The following LRP1 variants were observed in gnomAD, a reference collection of about 807,000 sequenced individuals.
LRP1 encodes the protein prolow-density lipoprotein receptor-related protein 1.
LRP1 carries 51 observed loss-of-function variants against 541.5 expected under a neutral mutation model. The ratio of observed to expected loss-of-function variants is 0.09; its 90% confidence interval spans 0.08 to 0.12. LRP1 has a LOEUF of 0.12. Ranked by LOEUF, LRP1 falls within the 10% of genes least tolerant of loss-of-function variation. The pLI, the probability that LRP1 is intolerant of heterozygous loss-of-function variation, is 1.00. For synonymous variants in LRP1, 2,219 were observed against 2,470.8 expected, an observed-to-expected ratio of 0.90 and a Z score of 3.02; for missense variants, 3,878 against 6,376.2, an observed-to-expected ratio of 0.61 and a Z score of 13.34.
intron 34 of LRP1, among the ~76,000 whole-genome samples, chr12:57,182,892 G>A (rs561756151): frequency 3.3e-5 from 5 of 152,312 alleles, no homozygotes; most frequent in East Asian, 1.9e-4. Context: ...GACTGGCTTC[G>A]GAGTGACCTT....
chr12:57,149,890 G>A (rs2035493608), intron 6 of LRP1: 1 of 638,770 alleles, frequency 1.6e-6, no homozygotes, highest in East Asian at 2.7e-5. Flanking sequence ...CCCAGGCCCA[G>A]GCGAGATCCC....
chr12:57,128,580 G>C lies in LRP1; in HGVS notation c.-385G>C. ...AGAGCTCCATCAAGCCCCCTCCAAA[G>C]GCTCCCCTACCCGGTCCACGCCCCC... On this transcript the variant is annotated 5_prime_UTR_variant, in exon 1 of 89. Coordinates refer to ENST00000243077, the MANE Select transcript of LRP1 (RefSeq NM_002332.3). The C allele has an allele frequency of 2.5e-6, 1 of 405,930 alleles. No homozygotes were observed. The highest frequency in any genetic ancestry group is 4.4e-6 in the Non-Finnish European group (1 of 229,500). The allele number at this position is 405,930 out of a possible 1,614,324, so 25.1% of individuals were successfully genotyped here.
intron 45 of LRP1, 55 bp downstream of exon 45, chr12:57,193,025 G>A: frequency 6.3e-7 from 1 of 1,598,436 alleles, no homozygotes; most frequent in Non-Finnish European, 8.5e-7. Flanking sequence ...CACCAGGGAT[G>A]GTGACCATCT....
At chr12:57,195,557 G>A (rs1201400820) in intron 52 of LRP1, 101 bp from the exon 53 acceptor site, 1 of 1,591,978 alleles carries the variant, frequency 6.3e-7, no homozygotes, top group Admixed American at 1.7e-5. Context: ...CTCATCCAGT[G>A]CCCTGCCCAC....
At chr12:57,171,809 C>T (rs1326476534) in intron 20 of LRP1, among the ~76,000 whole-genome samples, 1 of 152,072 alleles carries the variant, frequency 6.6e-6, no homozygotes, top group African/African-American at 2.4e-5. Flanking sequence ...TGTGGGGCTC[C>T]ACCAGGCAGT....
intron 2 of LRP1, among the ~76,000 whole-genome samples, chr12:57,140,305 A>G (rs1307521970): frequency 6.6e-6 from 1 of 152,164 alleles, no homozygotes; most frequent in Non-Finnish European, 1.5e-5. Flanking sequence ...TTGGAAGTCT[A>G]GAATAGTGCT....
At chr12:57,160,241 C>T (rs2035700550) in intron 12 of LRP1, among the ~76,000 whole-genome samples, 1 of 152,182 alleles carries the variant, frequency 6.6e-6, no homozygotes, top group African/African-American at 2.4e-5. Flanking sequence ...ACCAGCTCCC[C>T]TTACCCTGAG....
chr12:57,199,970 A>G lies in LRP1; in HGVS notation c.9959A>G (p.Asn3320Ser). The change falls in exon 62 of 89, where the codon AAC (asparagine) becomes AGC (serine). Residue 3320 changes from asparagine (N) to serine (S), a missense_variant. By Grantham distance (46) the Asn-to-Ser change is conservative. This residue lies in a region of LRP1 where 278 missense variants were observed against 536.3 expected (regional missense o/e 0.52). Coordinates refer to ENST00000243077, the MANE Select transcript of LRP1 (RefSeq NM_002332.3). Reference protein sequence around the residue: ...GGGHKCACPTNFYLGSDGRTC... With the variant: ...GGGHKCACPTSFYLGSDGRTC... ...GGGCACAAATGTGCCTGCCCCACCA[A>G]CTTCTACCTGGGCAGCGATGGGCGC... The G allele has an allele frequency of 1.3e-6, 2 of 1,593,870 alleles. No homozygotes were observed. Among genetic ancestry groups the G allele is most frequent in the Non-Finnish European group, 1.7e-6 (2 of 1,173,682 alleles).
At position 57,192,922 on chromosome 12, in the gene LRP1, T is replaced by A; in HGVS notation, c.7507T>A (p.Cys2503Ser). Residue 2503 changes from cysteine (C) to serine (S), a missense_variant, in exon 45 of 89, where the codon TGC becomes AGC. Cys to Ser is a moderately radical substitution (Grantham distance 112, BLOSUM62 -1). Around this residue, in one of 13 missense-constraint regions of LRP1, gnomAD observed 1,100 missense variants for 1,827.4 expected, o/e 0.60. Transcript: ENST00000243077. ...CLLTHQGHVN[C>S]SCRGGRILQD... ...GCTCACTCACCAGGGCCATGTCAAC[T>A]GCTCATGCCGAGGGGGCCGAATCCT... 1 of 1,613,780 alleles carries A rather than the reference T, an allele frequency of 6.2e-7. No individual in the cohort carries two copies. The highest frequency in any genetic ancestry group is 8.5e-7 in the Non-Finnish European group (1 of 1,179,924).
rs200532034 is a variant in LRP1, at chr12:57,197,177, G to T, written c.9076+12G>T. 7.4e-6 allele frequency: 12 copies of T among 1,613,746 alleles called. No individual in the cohort carries two copies. Among genetic ancestry groups the T allele is most frequent in the African/African-American group, 4.0e-5 (3 of 74,934 alleles). ...CAAGGCTGTGACTGGTGAGATGCGC[G>T]CTTGGAGGGCATGAGGTGACCCAGG... On this transcript the variant is annotated intron_variant, in intron 56 of 88. Transcript: ENST00000243077. The surrounding 1 kb of genome is among the most constrained non-coding windows in gnomAD (Gnocchi z 4.5).
In LRP1 at chr12:57,184,632, C is replaced by G. The variant is rs1217275825; in HGVS notation, c.6186+180C>G. ...ACAGAGATGATGGGCAGGGGTCGCT[C>G]AGAAGTGGGGAGTGGGGGAGTGGAG... On this transcript the variant is annotated intron_variant, in intron 38 of 88. Coordinates refer to ENST00000243077, the MANE Select transcript of LRP1 (RefSeq NM_002332.3). The surrounding 1 kb of genome is among the most constrained non-coding windows in gnomAD (Gnocchi z 7.8). Among the ~76,000 whole-genome samples, 2 of 151,904 alleles carry G rather than the reference C, an allele frequency of 1.3e-5. No homozygotes were observed. Among genetic ancestry groups the G allele is most frequent in the Non-Finnish European group, 2.9e-5 (2 of 67,964 alleles).
intron 80 of LRP1, 27 bp downstream of exon 80, chr12:57,209,895 G>A (rs2036869147): frequency 3.7e-6 from 6 of 1,609,536 alleles, no homozygotes; most frequent in Non-Finnish European, 5.1e-6. Context: ...GCCTGGGCTG[G>A]GGAAGGGAGG....
rs199744498 is a variant in LRP1, at chr12:57,211,602, G to A, written c.13193+14G>A. The A allele has an allele frequency of 1.3e-4, 215 of 1,613,370 alleles. No homozygotes were observed. The African/African-American group carries it at 1.7e-3, about 12-fold the overall frequency. ...GCCTGAGTGCCAGTGAGTTGGGCCC[G>A]GGCTTCACCCAGGCATAGATCATCG... On this transcript the variant is annotated intron_variant, in intron 85 of 88. Coordinates refer to ENST00000243077, the MANE Select transcript of LRP1 (RefSeq NM_002332.3). The surrounding 1 kb of genome is among the most constrained non-coding windows in gnomAD (Gnocchi z 4.3).
chr12:57,200,891 G>A (rs2036637665), intron 64 of LRP1, 76 bp downstream of exon 64: 2 of 1,556,306 alleles, frequency 1.3e-6, no homozygotes, highest in Non-Finnish European at 1.8e-6. Context: ...TTCAAGTGCA[G>A]GGAAGTTGCA....
intron 6 of LRP1, among the ~76,000 whole-genome samples, chr12:57,153,482 T>A (rs980690321): frequency 3.3e-5 from 5 of 152,170 alleles, no homozygotes; most frequent in African/African-American, 1.2e-4. Flanking sequence ...GCCCTGAGGA[T>A]TCTTTCATGG....
At position 57,173,782 on chromosome 12, in the gene LRP1, C is replaced by T. The variant is rs1002476041; in HGVS notation, c.3349C>T (p.Arg1117Trp). Residue 1117 changes from arginine to tryptophan, a missense_variant and splice_region_variant, in exon 22 of 89, where the codon CGG (arginine) becomes TGG (tryptophan). Around this residue, in one of 13 missense-constraint regions of LRP1, gnomAD observed 320 missense variants for 547.9 expected, o/e 0.58. Coordinates refer to ENST00000243077, the MANE Select transcript of LRP1 (RefSeq NM_002332.3). This position sits in a 1 kb window ranked among gnomAD's most constrained non-coding sequence, Gnocchi z 4.7. ...SVKFGCKDSARCISKAWVCDG... is the reference protein window; with the variant it reads ...SVKFGCKDSAWCISKAWVCDG... ...CTCATAGTGCACCTGTCCCTCAGCT[C>T]GGTGCATCAGCAAAGCGTGGGTGTG... 6.2e-6 allele frequency: 10 copies of T among 1,613,960 alleles called. No individual in the cohort carries two copies. The highest frequency in any genetic ancestry group is 2.2e-5 in the East Asian group (1 of 44,886).
chr12:57,206,632 C>T lies in LRP1; in HGVS notation c.11750C>T (p.Thr3917Ile). Residue 3917 changes from threonine (T) to isoleucine (I), a missense_variant, in exon 76 of 89, where the codon ACC becomes ATC. By Grantham distance (89) the Thr-to-Ile change is moderately conservative. This residue lies in a region of LRP1 where 871 missense variants were observed against 1,212.4 expected (regional missense o/e 0.72). Coordinates refer to ENST00000243077, the MANE Select transcript of LRP1 (RefSeq NM_002332.3). The surrounding 1 kb of genome is among the most constrained non-coding windows in gnomAD (Gnocchi z 4.7). ...VHVKAGRVYW[T>I]NWHTGTISYR... Reference sequence around the variant, plus strand: ...GTCAAGGCTGGCCGTGTCTATTGGACCAACTGGCACACGGGCACCATCTCC... The same window carrying T: ...GTCAAGGCTGGCCGTGTCTATTGGATCAACTGGCACACGGGCACCATCTCC... The T allele has an allele frequency of 6.2e-7, 1 of 1,614,120 alleles. No homozygotes were observed. Among genetic ancestry groups the T allele is most frequent in the Non-Finnish European group, 8.5e-7 (1 of 1,180,050 alleles).
rs769810027 is a variant in LRP1, at chr12:57,179,472, C to T, written c.4882C>T (p.Arg1628Cys). The T allele has an allele frequency of 5.6e-6, 9 of 1,614,220 alleles. No homozygotes were observed. Among genetic ancestry groups the T allele is most frequent in the Non-Finnish European group, 7.6e-6 (9 of 1,180,040 alleles). ...TVLDYDAREQRVYWSDVRTQA... is the reference protein window; with the variant it reads ...TVLDYDAREQCVYWSDVRTQA... Reference sequence around the variant, plus strand: ...GCTAGACTACGATGCCCGCGAGCAGCGTGTGTACTGGTCTGACGTGCGGAC... The same window carrying T: ...GCTAGACTACGATGCCCGCGAGCAGTGTGTGTACTGGTCTGACGTGCGGAC... The change falls in exon 29 of 89, where the codon CGT becomes TGT. Residue 1628 changes from arginine (R) to cysteine (C), a missense_variant. Transcript: ENST00000243077. This position sits in a 1 kb window ranked among gnomAD's most constrained non-coding sequence, Gnocchi z 6.8.
At chr12:57,147,688 A>G (rs1029328508) in intron 6 of LRP1, 1 of 152,184 alleles carries the variant, frequency 6.6e-6, no homozygotes, top group Non-Finnish European at 1.5e-5. Flanking sequence ...TGCAGGCAGA[A>G]GGGGGAGCCT....
Sources: gnomAD v4.1 joint callset for allele counts (sites outside exome capture counted in the v4.1 genomes callset) on GRCh38, gnomAD v4.1.1 for gene constraint, gnomAD v4.1.1 regional missense constraint, Gnocchi (gnomAD v3.1) non-coding constraint, MANE v1.5 for transcripts, NCBI Gene and HGNC (gene_info 2026-07-23, HGNC 2026-07-21) for gene names.